Variants in USH2A observed in about 807,000 individuals in gnomAD.
The protein encoded by USH2A is Usher syndrome 2A (autosomal recessive, mild).
USH2A carries 443 observed loss-of-function variants against 538.9 expected under a neutral mutation model. The ratio of observed to expected loss-of-function variants is 0.82; its 90% confidence interval spans 0.76 to 0.89. USH2A has a LOEUF of 0.89. USH2A is among the 40% of genes least tolerant of loss of function. The pLI is 0.00. For missense variants in USH2A, 6,633 were observed against 6,324.8 expected, an observed-to-expected ratio of 1.05 and a Z score of -1.65; for synonymous variants, 2,413 against 2,273.5, an observed-to-expected ratio of 1.06 and a Z score of -1.75.
intron 47 of USH2A, among the ~76,000 whole-genome samples, chr1:215,829,744 A>G (rs937220778): frequency 2.0e-5 from 3 of 152,252 alleles, no homozygotes; most frequent in African/African-American, 4.8e-5. Context: ...GTTGCTCATT[A>G]GAGTCTTGCC....
At chr1:216,351,195 T>G (rs954124908) in intron 4 of USH2A, among the ~76,000 whole-genome samples, 3 of 152,182 alleles carry the variant, frequency 2.0e-5, no homozygotes, top group Non-Finnish European at 2.9e-5. Context: ...AACAGATATA[T>G]TCAACAAAAA....
chr1:215,838,141 T>C, intron 46 of USH2A, 38 bp from the exon 47 acceptor site: 1 of 1,502,716 alleles, frequency 6.7e-7, no homozygotes, highest in Non-Finnish European at 9.3e-7. Context: ...ATGCAACCAT[T>C]TTTGAAATAC....
At chr1:216,039,995 C>T (rs1217163323) in intron 32 of USH2A, among the ~76,000 whole-genome samples, 4 of 151,628 alleles carry the variant, frequency 2.6e-5, no homozygotes, top group African/African-American at 7.3e-5. Context: ...CTCCCTCTTT[C>T]CCCCTGCCCA....
In USH2A at chr1:215,879,072, C is replaced by G. The variant is rs1315503316; in HGVS notation, c.8250G>C (p.Gln2750His). The G allele has an allele frequency of 1.9e-6, 3 of 1,613,774 alleles. No homozygotes were observed. The African/African-American group carries it at 4.0e-5, about 22-fold the overall frequency. ...VQVTWKPPLI[Q>H]NGDILSYEIH... The stretch of plus-strand genomic sequence containing the variant: ...TCTCATAGCTAAGTATGTCTCCGTT[C>G]TGGATGAGTGGGGGTTTCCAAGTGA... Residue 2750 changes from glutamine (Q) to histidine (H), a missense_variant, in exon 42 of 72, where the codon CAG becomes CAC. Gln to His is a conservative substitution (Grantham distance 24, BLOSUM62 0). Coordinates refer to ENST00000307340, the MANE Select transcript of USH2A (RefSeq NM_206933.4).
At chr1:215,835,721 C>T (rs912967871) in intron 47 of USH2A, among the ~76,000 whole-genome samples, 2 of 152,122 alleles carry the variant, frequency 1.3e-5, no homozygotes, top group Non-Finnish European at 1.5e-5. Context: ...AGTGCTCAGC[C>T]TCTCCAGTTC....
At chr1:216,081,503 A>T (rs779638877) in intron 26 of USH2A, among the ~76,000 whole-genome samples, 8 of 152,166 alleles carry the variant, frequency 5.3e-5, no homozygotes, top group Admixed American at 1.3e-4. Context: ...GTTTTATGAA[A>T]GACTGCTTCC....
intron 61 of USH2A, among the ~76,000 whole-genome samples, chr1:215,690,732 C>CTT (rs11436650): frequency 6.6e-6 from 1 of 151,416 alleles, no homozygotes; most frequent in Non-Finnish European, 1.5e-5. Context: ...TTCATTTTCT[C>CTT]TTTTTTTTCA....
intron 11 of USH2A, among the ~76,000 whole-genome samples, chr1:216,261,017 G>A (rs1392678603): frequency 6.6e-6 from 1 of 152,096 alleles, no homozygotes; most frequent in African/African-American, 2.4e-5. Flanking sequence ...ATGAGTAAAG[G>A]CCATTTTGGA....
chr1:215,912,804 TCCCA>T (rs1216654229), intron 38 of USH2A, among the ~76,000 whole-genome samples: 9 of 152,064 alleles, frequency 5.9e-5, no homozygotes, highest in Non-Finnish European at 1.3e-4. Flanking sequence ...CTCTCCATCT[TCCCA>T]CCCTTCACCC....
At chr1:216,203,250 C>CAT (rs1438000343) in intron 16 of USH2A, among the ~76,000 whole-genome samples, 7 of 151,528 alleles carry the variant, frequency 4.6e-5, no homozygotes, top group East Asian at 1.9e-4. Context: ...CACATATACA[C>CAT]ATATATATAC....
chr1:216,237,799 T>C (rs1177831799), intron 13 of USH2A, among the ~76,000 whole-genome samples: 1 of 152,224 alleles, frequency 6.6e-6, no homozygotes, highest in African/African-American at 2.4e-5. Context: ...GAGAAATTTT[T>C]CTTATCAGTG....
chr1:215,938,195 C>T (rs1318337123), intron 37 of USH2A, among the ~76,000 whole-genome samples: 1 of 152,106 alleles, frequency 6.6e-6, no homozygotes, highest in Non-Finnish European at 1.5e-5. Flanking sequence ...AGTAACTATA[C>T]AGCTGAGTGA....
chr1:216,395,434 G>T (rs2039194432), intron 3 of USH2A, among the ~76,000 whole-genome samples: 1 of 152,030 alleles, frequency 6.6e-6, no homozygotes, highest in African/African-American at 2.4e-5. Flanking sequence ...GCTACCCTTA[G>T]AAATTGCATA....
At chr1:215,701,744 A>C (rs1237899296) in intron 61 of USH2A, among the ~76,000 whole-genome samples, 1 of 152,068 alleles carries the variant, frequency 6.6e-6, no homozygotes, top group African/African-American at 2.4e-5. Context: ...TGAATACAGC[A>C]CACTGATGGG....
Position 215,779,986 on chromosome 1 carries a change from G to A in USH2A, c.10796C>T (p.Thr3599Ile). Residue 3599 changes from threonine (T) to isoleucine (I), a missense_variant, in exon 55 of 72, where the codon ACA becomes ATA. Physicochemically the swap from Thr to Ile is moderately conservative, Grantham distance 89 (BLOSUM62 -1). Coordinates refer to ENST00000307340, the MANE Select transcript of USH2A (RefSeq NM_206933.4). ...ATGCAGAGCCACTGCACTTAGGGCT[G>A]TGATGCTTGGTGGCAGGATGCTCTC... ...VPESILPPSI[T>I]ALSAVALHLS... is the part of the protein sequence containing the mutation. 1 of 1,614,158 alleles carries A rather than the reference G, an allele frequency of 6.2e-7. No individual in the cohort carries two copies. Among genetic ancestry groups the A allele is most frequent in the Non-Finnish European group, 8.5e-7 (1 of 1,180,030 alleles).
At chr1:216,213,407 T>C (rs1205536053) in intron 15 of USH2A, among the ~76,000 whole-genome samples, 1 of 152,086 alleles carries the variant, frequency 6.6e-6, no homozygotes, top group Non-Finnish European at 1.5e-5. Flanking sequence ...AGTCTTTCAT[T>C]ATTGAATATG....
At chr1:216,101,219 T>C (rs1571961323) in intron 21 of USH2A, among the ~76,000 whole-genome samples, 1 of 152,214 alleles carries the variant, frequency 6.6e-6, no homozygotes, top group Non-Finnish European at 1.5e-5. Flanking sequence ...AATCATGTAA[T>C]CAATTCTTTA....
chr1:216,345,835 C>A (rs1002739223), intron 4 of USH2A, among the ~76,000 whole-genome samples: 8 of 152,006 alleles, frequency 5.3e-5, no homozygotes, highest in Admixed American at 3.9e-4. Context: ...TCTCTACCAT[C>A]CAGAAAACAG....
At chr1:216,050,624 A>G (rs1338454947) in intron 30 of USH2A, among the ~76,000 whole-genome samples, 1 of 17,572 alleles carries the variant, frequency 5.7e-5, no homozygotes, top group Non-Finnish European at 9.7e-5. Flanking sequence ...TTTTTTTTTG[A>G]GACAGAGTCT....
Sources: allele counts gnomAD v4.1 joint callset (sites outside exome capture counted in the v4.1 genomes callset), GRCh38; gene constraint gnomAD v4.1.1; transcripts MANE v1.5; gene names NCBI Gene and HGNC (gene_info 2026-07-23, HGNC 2026-07-21).